The following F11 variants were observed in gnomAD, a reference collection of about 807,000 sequenced individuals.
F11 encodes the protein coagualtion factor XI.
Under a neutral mutation model 76.5 loss-of-function variants are expected in F11, and 78 were observed. The ratio of observed to expected loss-of-function variants is 1.02; its 90% CI spans 0.85 to 1.23. The LOEUF (loss-of-function observed/expected upper bound fraction) is 1.23, where lower values mean the gene tolerates loss of function less well. Ranked by LOEUF, F11 falls within the 50% of genes most tolerant of loss-of-function variation. The pLI, the probability that F11 is intolerant of heterozygous loss-of-function variation, is 0.00. For missense variants in F11, 742 were observed against 771.4 expected, an observed-to-expected ratio of 0.96 and a Z score of 0.45; for synonymous variants, 278 against 276.3, an observed-to-expected ratio of 1.01 and a Z score of -0.06.
chr4:186,280,632 T>G (rs755031195), intron 10 of F11, 52 bp downstream of exon 10: 1 of 1,345,792 alleles, frequency 7.4e-7, no homozygotes, highest in South Asian at 1.2e-5. Flanking sequence ...ATTCCATGCT[T>G]CATACATCAC....
At chr4:186,281,435 A>G (rs1740799512) in intron 10 of F11, among the ~76,000 whole-genome samples, 1 of 152,186 alleles carries the variant, frequency 6.6e-6, no homozygotes, top group African/African-American at 2.4e-5. Context: ...TAGGATGGAA[A>G]TAAGTGTTTA....
rs1469968901 is a variant in F11 at position 186,266,769 on chromosome 4, G to GA, written c.-1-360dup. ...AGAGGCCTCAAGGAAAGAAAGAAAG[G>GA]AAAAAAATTGGGAAAGGAAACAAAG... is the stretch of plus-strand genomic sequence containing the variant. On this transcript the variant is annotated intron_variant, in intron 1 of 14. Coordinates refer to ENST00000403665, the MANE Select transcript of F11 (RefSeq NM_000128.4). 2.6e-5 allele frequency among the ~76,000 whole-genome samples: 4 copies of GA among 151,998 alleles called. No individual in the cohort carries two copies. In the South Asian group the frequency reaches 6.2e-4, roughly 24 times the overall value.
intron 2 of F11, among the ~76,000 whole-genome samples, chr4:186,267,726 C>A (rs1739611480): frequency 6.6e-6 from 1 of 152,118 alleles, no homozygotes; most frequent in Non-Finnish European, 1.5e-5. Flanking sequence ...AGTTCCATGA[C>A]CATTCTTTAT....
rs567451638 is a variant in F11 at position 186,271,768 on chromosome 4, G to T, written c.215G>T (p.Arg72Leu). The T allele has an allele frequency of 6.8e-6, 11 of 1,614,122 alleles. No individual in the cohort carries two copies. In the African/African-American group the frequency reaches 1.5e-4, roughly 22 times the overall value. The change falls in exon 3 of 15, where the codon CGA (arginine) becomes CTA (leucine). Residue 72 changes from arginine (R) to leucine (L), a missense_variant. Physicochemically the swap from Arg to Leu is moderately radical, Grantham distance 102. Coordinates refer to ENST00000403665, the MANE Select transcript of F11 (RefSeq NM_000128.4). ...TAESPSEDPT[R>L]WFTCVLKDSV... ...GAATCACCATCTGAGGATCCCACCC[G>T]ATGGTAAATGCTTATGTTTCTACAT...
At chr4:186,280,164 C>A in intron 8 of F11, 43 bp downstream of exon 8, 1 of 1,613,642 alleles carries the variant, frequency 6.2e-7, no homozygotes, top group South Asian at 1.1e-5. Flanking sequence ...TGACCAGCCC[C>A]GAGGAGGCTG....
chr4:186,272,227 G>GCAATATA (rs1171793005), intron 3 of F11, among the ~76,000 whole-genome samples: 2 of 152,022 alleles, frequency 1.3e-5, no homozygotes, highest in African/African-American at 2.4e-5. Flanking sequence ...TATTTGTACA[G>GCAATATA]CAATATACAA....
Position 186,284,274 on chromosome 4 carries a change from C to G in F11, c.1304+14C>G. ...CTGTTTCTATGGGTCAGTACCACGG[C>G]TGTTTTTATTAGTTCATCTTCTTCA... is the stretch of plus-strand genomic sequence containing the variant. On this transcript the variant is annotated intron_variant, in intron 11 of 14. Coordinates refer to ENST00000403665, the MANE Select transcript of F11 (RefSeq NM_000128.4). 3.1e-6 allele frequency: 5 copies of G among 1,600,010 alleles called. No homozygotes were observed. In the African/African-American group the frequency reaches 4.0e-5, roughly 13 times the overall value.
intron 7 of F11, among the ~76,000 whole-genome samples, chr4:186,276,842 G>A (rs1450891352): frequency 6.6e-6 from 1 of 151,978 alleles, no homozygotes; most frequent in Non-Finnish European, 1.5e-5. Context: ...ACCTGCCTCG[G>A]CCTCCCAAAG....
intron 2 of F11, among the ~76,000 whole-genome samples, chr4:186,268,652 A>G (rs998383377): frequency 2.6e-5 from 4 of 152,204 alleles, no homozygotes; most frequent in African/African-American, 9.6e-5. Context: ...AAGGGAATTG[A>G]AAATCTGCAA....
chr4:186,269,568 T>C (rs1739771573), intron 2 of F11, among the ~76,000 whole-genome samples: 1 of 152,158 alleles, frequency 6.6e-6, no homozygotes, highest in Non-Finnish European at 1.5e-5. Context: ...AGACGGAAAT[T>C]AGAACAGAGG....
chr4:186,269,211 A>G (rs1739732861), intron 2 of F11, among the ~76,000 whole-genome samples: 1 of 152,244 alleles, frequency 6.6e-6, no homozygotes, highest in Admixed American at 6.5e-5. Flanking sequence ...AGTTGATTTA[A>G]CATTCAAAAA....
At chr4:186,274,070 C>G in intron 4 of F11, 46 bp from the exon 5 acceptor site, 1 of 1,608,700 alleles carries the variant, frequency 6.2e-7, no homozygotes, top group East Asian at 2.2e-5. Context: ...TAGGTCATTG[C>G]CCCTAGAATC....
chr4:186,266,987 G>GAA lies in F11; in HGVS notation c.-1-146_-1-145dup, dbSNP rs1739551248. 9 of 650,216 alleles carry GAA rather than the reference G, an allele frequency of 1.4e-5. No individual in the cohort carries two copies. In the South Asian group the frequency reaches 1.6e-4, roughly 11 times the overall value. The allele number at this position is 650,216 out of a possible 1,614,324, so 40.3% of individuals were successfully genotyped here. A position where few individuals can be genotyped will look rare whatever the true frequency, so the allele number is the denominator to read the frequency against. On this transcript the variant is annotated intron_variant, in intron 1 of 14. Coordinates refer to ENST00000403665, the MANE Select transcript of F11 (RefSeq NM_000128.4). ...TAAGGAATGCTCCAGGATTGGGAAAGAAAATTCAACATTATAATGAGAACA... is the reference window on the plus strand; with the variant it reads ...TAAGGAATGCTCCAGGATTGGGAAAGAAAAAATTCAACATTATAATGAGAACA...
chr4:186,287,652 T>C, intron 13 of F11, 32 bp from the exon 14 acceptor site: 3 of 1,548,190 alleles, frequency 1.9e-6, no homozygotes, highest in Non-Finnish European at 1.8e-6. Context: ...TGTATGGTTA[T>C]TCTACAAACG....
rs4253426 is a variant in F11, at chr4:186,285,629, G to T, written c.1305-9G>T. 1.4e-3 allele frequency: 2,293 copies of T among 1,613,558 alleles called. 7 individuals carry two copies. The highest frequency in any genetic ancestry group is 8.3e-3 in the Middle Eastern group (50 of 6,060). ...GGAAATTTCTTTCCCTCTGTTGTTT[G>T]CTCCTTAGGGTAGAGTCACCTAAGA... On this transcript the variant is annotated splice_polypyrimidine_tract_variant and intron_variant, in intron 11 of 14. Transcript: ENST00000403665.
At chr4:186,277,048 C>A (rs1220416379) in intron 7 of F11, among the ~76,000 whole-genome samples, 1 of 152,128 alleles carries the variant, frequency 6.6e-6, no homozygotes, top group African/African-American at 2.4e-5. Flanking sequence ...TCCTGCCTCA[C>A]CCTCCTCTAT....
chr4:186,282,925 G>A (rs1041169494), intron 10 of F11: 15 of 985,164 alleles, frequency 1.5e-5, no homozygotes, highest in African/African-American at 3.5e-5. Flanking sequence ...GCCTAGAAAG[G>A]TTGTTTTACA....
Position 186,280,287 on chromosome 4 carries a change from T to A in F11, c.930T>A (p.Ala310=), listed in dbSNP as rs1296435641. Reference sequence around the variant, plus strand: ...TGGGAGAAGAACTGGATATTGTTGCTGCAAAAAGTCACGAGGCCTGCCAGA... The same window carrying A: ...TGGGAGAAGAACTGGATATTGTTGCAGCAAAAAGTCACGAGGCCTGCCAGA... ...DFLGEELDIV[A]AKSHEACQKL... Residue 310 remains alanine (A), a synonymous_variant, in exon 9 of 15, where the codon GCT becomes GCA. Transcript: ENST00000403665. 5 of 1,614,078 alleles carry A rather than the reference T, an allele frequency of 3.1e-6. No individual in the cohort carries two copies. In the South Asian group the frequency reaches 5.5e-5, roughly 18 times the overall value.
intron 10 of F11, 106 bp from the exon 11 acceptor site, chr4:186,283,986 T>C (rs1432686493): frequency 6.4e-7 from 1 of 1,572,560 alleles, no homozygotes. Context: ...AGGGTCATGA[T>C]AAACTATTGA....
Sources: gnomAD v4.1 joint callset for allele counts (sites outside exome capture counted in the v4.1 genomes callset) on GRCh38, gnomAD v4.1.1 for gene constraint, MANE v1.5 for transcripts, NCBI Gene and HGNC (gene_info 2026-07-23, HGNC 2026-07-21) for gene names.